MS4A14: variants seen among roughly 807,000 people sequenced by gnomAD.
The protein encoded by MS4A14 is membrane spanning 4-domains A14.
Under a neutral mutation model 16.7 loss-of-function variants are expected in MS4A14, and 18 were observed. The ratio of observed to expected loss-of-function variants is 1.08; its 90% CI spans 0.75 to 1.60. The LOEUF (loss-of-function observed/expected upper bound fraction) is 1.60. MS4A14 is among the 40% of genes most tolerant of loss of function. The pLI is 0.00. For synonymous variants in MS4A14, 305 were observed against 289.4 expected (o/e 1.05, Z -0.55); for missense variants, 812 against 775.3 (o/e 1.05, Z -0.56).
rs2241920 is a variant in MS4A14 at position 60,396,731 on chromosome 11, G to A, written c.138+15G>A. On this transcript the variant is annotated intron_variant, in intron 1 of 4. Coordinates refer to ENST00000300187, the MANE Select transcript of MS4A14 (RefSeq NM_032597.5). Reference sequence around the variant, plus strand: ...GAGTCTTGGGGGTAAGTCCTCTCCAGTCAATAGGTCTTCCAGAAGGGGAGA... The same window carrying A: ...GAGTCTTGGGGGTAAGTCCTCTCCAATCAATAGGTCTTCCAGAAGGGGAGA... 0.63 allele frequency: 1,021,161 copies of A among 1,608,634 alleles called. 325,543 individuals carry two copies. The highest frequency in any genetic ancestry group is 0.75 in the Middle Eastern group (4,511 of 6,028).
chr11:60,414,698 C>T (rs567447652), intron 4 of MS4A14, among the ~76,000 whole-genome samples: 1 of 152,138 alleles, frequency 6.6e-6, no homozygotes, highest in Non-Finnish European at 1.5e-5. Context: ...CCTAGCATAC[C>T]ATCTAATAAT....
chr11:60,397,806 G>A (rs1295293070), intron 1 of MS4A14, 46 bp from the exon 2 acceptor site: 2 of 1,597,940 alleles, frequency 1.3e-6, no homozygotes, highest in Non-Finnish European at 1.7e-6. Flanking sequence ...TAGCCCACAG[G>A]GTCTTGGATA....
rs567680840 is a variant in MS4A14 at position 60,405,952 on chromosome 11, T to C, written c.468+2891T>C. 22 of 1,532,994 alleles carry C rather than the reference T, an allele frequency of 1.4e-5. No individual in the cohort carries two copies. In the African/African-American group the frequency reaches 2.6e-4, roughly 18 times the overall value. The allele number at this position is 1,532,994 out of a possible 1,614,324, so 95.0% of individuals were successfully genotyped here. On this transcript the variant is annotated intron_variant, in intron 4 of 4. Transcript: ENST00000300187. ...GCTCAGCATCTCTGTGACTATTGCA[T>C]CCTTTAGAAGCAAGTGCTGGACACA... is the stretch of plus-strand genomic sequence containing the variant.
chr11:60,400,901 T>C (rs2085704125), intron 3 of MS4A14, among the ~76,000 whole-genome samples: 7 of 152,224 alleles, frequency 4.6e-5, no homozygotes, highest in Admixed American at 3.3e-4. Flanking sequence ...AAAATGTTTA[T>C]AGTACCAAGG....
Position 60,398,699 on chromosome 11 carries a change from G to T in MS4A14, c.267+719G>T, listed in dbSNP as rs1164236608. ...CAATCAATCAATCAATCAACAAATA[G>T]GTGAAATAATTAATAAATTAGGCCA... is the stretch of plus-strand genomic sequence containing the variant. On this transcript the variant is annotated intron_variant, in intron 2 of 4. Transcript: ENST00000300187. Among the ~76,000 whole-genome samples the T allele has an allele frequency of 2.6e-5, 4 of 151,816 alleles. No homozygotes were observed. The East Asian group carries it at 7.7e-4, about 29-fold the overall frequency.
At chr11:60,414,649 G>T (rs571636013) in intron 4 of MS4A14, among the ~76,000 whole-genome samples, 1 of 152,152 alleles carries the variant, frequency 6.6e-6, no homozygotes, top group East Asian at 1.9e-4. Flanking sequence ...AACTCCAATT[G>T]CTTCCTCTTA....
At chr11:60,410,300 G>A (rs182681134) in intron 4 of MS4A14, among the ~76,000 whole-genome samples, 51 of 152,136 alleles carry the variant, frequency 3.4e-4, no homozygotes, top group African/African-American at 1.2e-3. Flanking sequence ...TTCTTAATTG[G>A]GCTGTTTGTT....
intron 3 of MS4A14, among the ~76,000 whole-genome samples, chr11:60,402,282 T>C (rs1335584580): frequency 4.0e-5 from 6 of 151,006 alleles, no homozygotes; most frequent in African/African-American, 1.5e-4. Context: ...CCAGTCCAAA[T>C]AGGTTAACAT....
intron 4 of MS4A14, among the ~76,000 whole-genome samples, chr11:60,406,198 C>G (rs957738558): frequency 2.6e-5 from 4 of 152,156 alleles, no homozygotes; most frequent in Non-Finnish European, 5.9e-5. Context: ...CTTTCTTGTA[C>G]TATCTGCTTT....
intron 4 of MS4A14, among the ~76,000 whole-genome samples, chr11:60,413,042 A>G (rs2085890143): frequency 6.6e-6 from 1 of 151,914 alleles, no homozygotes; most frequent in Admixed American, 6.6e-5. Context: ...TATTATTTAC[A>G]ATGTATAAGC....
chr11:60,402,950 G>T lies in MS4A14; in HGVS notation c.357G>T (p.Leu119Phe). 1.2e-6 allele frequency: 2 copies of T among 1,613,706 alleles called. No individual in the cohort carries two copies. Among genetic ancestry groups the T allele is most frequent in the Non-Finnish European group, 1.7e-6 (2 of 1,179,752 alleles). ...GVTGMNVISS[L>F]VAITGITFTI... is the part of the protein sequence containing the mutation. Reference sequence around the variant, plus strand: ...CGGGCATGAATGTTATCAGCTCCTTGGTTGCGATAACTGGGATTACTTTCA... The same window carrying T: ...CGGGCATGAATGTTATCAGCTCCTTTGTTGCGATAACTGGGATTACTTTCA... Residue 119 changes from leucine (L) to phenylalanine (F), a missense_variant, in exon 4 of 5, where the codon TTG becomes TTT. Transcript: ENST00000300187.
rs370208539 is a variant in MS4A14 at position 60,415,618 on chromosome 11, T to C, written c.650T>C (p.Leu217Ser). ...FFKLTLSRSPLVSQPGNKGRE... is the reference protein window; with the variant it reads ...FFKLTLSRSPSVSQPGNKGRE... ...AAGTTAACACTCTCTAGGAGTCCTT[T>C]AGTCTCCCAACCAGGTAATAAAGGT... Residue 217 changes from leucine (L) to serine (S), a missense_variant, in exon 5 of 5, where the codon TTA (leucine) becomes TCA (serine). By Grantham distance (145) the Leu-to-Ser change is moderately radical (BLOSUM62 -2). Transcript: ENST00000300187. 2.2e-5 allele frequency: 36 copies of C among 1,613,712 alleles called. No homozygotes were observed. In the Middle Eastern group the frequency reaches 4.9e-4, roughly 22 times the overall value.
Position 60,396,636 on chromosome 11 carries a change from G to A in MS4A14, c.58G>A (p.Glu20Lys), listed in dbSNP as rs748125312. The A allele has an allele frequency of 9.3e-6, 15 of 1,613,922 alleles. No homozygotes were observed. The highest frequency in any genetic ancestry group is 2.2e-5 in the East Asian group (1 of 44,868). The stretch of plus-strand genomic sequence containing the variant: ...TCACGTCATCACTATAAAACCAAAC[G>A]AAACTGTATTGACTGCATTTCCCTA... ...ATHVITIKPN[E>K]TVLTAFPYRP... is the part of the protein sequence containing the mutation. Residue 20 changes from glutamate to lysine, a missense_variant, in exon 1 of 5, where the codon GAA becomes AAA. Physicochemically the swap from Glu to Lys is moderately conservative, Grantham distance 56. Transcript: ENST00000300187.
At position 60,397,897 on chromosome 11, in the gene MS4A14, ATATTTGCACT is replaced by A. The variant is rs1163056510; in HGVS notation, c.187_196del (p.Phe63IlefsTer33). The A allele has an allele frequency of 5.0e-6, 8 of 1,613,288 alleles. No individual in the cohort carries two copies. The African/African-American group carries it at 8.0e-5, about 16-fold the overall frequency. On this transcript the variant is annotated frameshift_variant, in exon 2 of 5. Transcript: ENST00000300187. LOFTEE classifies it high-confidence loss of function. ...TCTAATCATTGTGGGCTTTGGAACTATATTTGCACTTAATTACATCGGTTTCTCCCAAAGA... is the reference window on the plus strand; with the variant it reads ...TCTAATCATTGTGGGCTTTGGAACTATAATTACATCGGTTTCTCCCAAAGA...
chr11:60,404,677 C>T (rs1183948285), intron 4 of MS4A14: 1 of 440,648 alleles, frequency 2.3e-6, no homozygotes, highest in Non-Finnish European at 4.5e-6. Context: ...GCCAGTTATA[C>T]AATTAACTCA....
Position 60,401,457 on chromosome 11 carries a change from A to G in MS4A14, c.318+1003A>G, listed in dbSNP as rs3829245. ...TGAGAAATAAACTATGGGTAAGGAA[A>G]ACCTACTCCTGACTCACTGAGAGCT... is the stretch of plus-strand genomic sequence containing the variant. On this transcript the variant is annotated intron_variant, in intron 3 of 4. Coordinates refer to ENST00000300187, the MANE Select transcript of MS4A14 (RefSeq NM_032597.5). 1.0e-3 allele frequency among the ~76,000 whole-genome samples: 152 copies of G among 152,300 alleles called. 2 individuals carry two copies. In the East Asian group the frequency reaches 0.025, roughly 25 times the overall value.
Position 60,416,594 on chromosome 11 carries a change from C to G in MS4A14, c.1626C>G (p.Ser542=), listed in dbSNP as rs1590824168. 1 of 1,613,684 alleles carries G rather than the reference C, an allele frequency of 6.2e-7. No homozygotes were observed. Among genetic ancestry groups the G allele is most frequent in the African/African-American group, 1.3e-5 (1 of 74,858 alleles). Residue 542 remains serine, a synonymous_variant, in exon 5 of 5, where the codon TCC becomes TCG. Transcript: ENST00000300187. ...ACCAGCAAATCAAAGACTGGCTATC[C>G]CCAAAGAGGCACTCCGTAGATAAGC... ...SLDQQIKDWL[S]PKRHSVDKQA...
At chr11:60,410,198 C>T (rs897557853) in intron 4 of MS4A14, among the ~76,000 whole-genome samples, 1 of 152,122 alleles carries the variant, frequency 6.6e-6, no homozygotes, top group Admixed American at 6.6e-5. Context: ...AGTGGTATCT[C>T]ATACTTTTGA....
At chr11:60,402,241 CAAT>C (rs1293513874) in intron 3 of MS4A14, among the ~76,000 whole-genome samples, 2 of 142,924 alleles carry the variant, frequency 1.4e-5, no homozygotes, top group East Asian at 4.4e-4. Context: ...TTTATTGCAA[CAAT>C]GAGTTCAAGA....
Sources: gnomAD v4.1 joint callset for allele counts (sites outside exome capture counted in the v4.1 genomes callset) on GRCh38, gnomAD v4.1.1 for gene constraint, MANE v1.5 for transcripts, NCBI Gene and HGNC (gene_info 2026-07-23, HGNC 2026-07-21) for gene names.